Variants in MASP1 observed in about 807,000 individuals in gnomAD.
MASP1 encodes mannan-binding lectin serine protease 1.
In MASP1, 59 loss-of-function variants were observed where a neutral mutation model predicts 77.1. The ratio of observed to expected loss-of-function variants is 0.77; its 90% CI spans 0.62 to 0.95. The LOEUF is 0.95. Among genes scored for constraint, MASP1 ranks in the 40% least tolerant of loss-of-function variants. The pLI, the probability that MASP1 is intolerant of heterozygous loss-of-function variation, is 0.00. For synonymous variants in MASP1, 362 were observed against 354.5 expected (o/e 1.02, Z -0.24); for missense variants, 885 against 912.9 (o/e 0.97, Z 0.39).
At chr3:187,277,049 AGGGAAGGGGCATTGGACT>A (rs1310797694) in intron 2 of MASP1, among the ~76,000 whole-genome samples, 1 of 152,142 alleles carries the variant, frequency 6.6e-6, no homozygotes, top group Non-Finnish European at 1.5e-5. Context: ...ATGTGGCCTG[AGGGAAGGGGCATTGGACT>A]GGGAGTCACA....
At chr3:187,224,484 C>T (rs1167245233) in intron 13 of MASP1, among the ~76,000 whole-genome samples, 2 of 150,486 alleles carry the variant, frequency 1.3e-5, no homozygotes, top group African/African-American at 4.9e-5. Flanking sequence ...GTAGCTGGGA[C>T]TACAGGCGCC....
intron 2 of MASP1, among the ~76,000 whole-genome samples, chr3:187,282,510 A>AAAGAAG (rs1553785752): frequency 7.6e-6 from 1 of 131,478 alleles, no homozygotes; most frequent in Non-Finnish European, 1.6e-5. Context: ...AAAAAAAAAA[A>AAAGAAG]AAGAAGAAGA....
rs1487533750 is a variant in MASP1 at position 187,283,088 on chromosome 3, C to T, written c.237+2737G>A. 3.3e-5 allele frequency among the ~76,000 whole-genome samples: 5 copies of T among 152,256 alleles called. No homozygotes were observed. In the East Asian group the frequency reaches 9.7e-4, roughly 29 times the overall value. Reference sequence around the variant, plus strand: ...GTGACAGATCTGAGACCAGAAAAGGCATTTCCTGAATTCCATGTAAGGGCC... The same window carrying T: ...GTGACAGATCTGAGACCAGAAAAGGTATTTCCTGAATTCCATGTAAGGGCC... On this transcript the variant is annotated intron_variant, in intron 2 of 10. Transcript: ENST00000296280.
chr3:187,283,563 C>A (rs908516570), intron 2 of MASP1, among the ~76,000 whole-genome samples: 1 of 152,050 alleles, frequency 6.6e-6, no homozygotes, highest in South Asian at 2.1e-4. Flanking sequence ...GGAGAGGGGG[C>A]AAATTATGAG....
chr3:187,286,709 G>A (rs543757447), intron 1 of MASP1, among the ~76,000 whole-genome samples: 2 of 152,178 alleles, frequency 1.3e-5, no homozygotes, highest in African/African-American at 4.8e-5. Context: ...CATGGCTGAC[G>A]CAATAACGAG....
At chr3:187,290,496 A>T (rs1436683924) in intron 1 of MASP1, among the ~76,000 whole-genome samples, 1 of 152,092 alleles carries the variant, frequency 6.6e-6, no homozygotes, top group Non-Finnish European at 1.5e-5. Flanking sequence ...TTTTTTGGAG[A>T]AAGAAAAATG....
chr3:187,225,259 A>C, intron 13 of MASP1: 1 of 1,557,730 alleles, frequency 6.4e-7, no homozygotes, highest in Non-Finnish European at 8.8e-7. Flanking sequence ...AGCTTCACCA[A>C]CGTGAAGACG....
intron 5 of MASP1, among the ~76,000 whole-genome samples, chr3:187,256,184 A>G (rs1045656906): frequency 3.3e-5 from 5 of 152,210 alleles, no homozygotes; most frequent in African/African-American, 1.2e-4. Flanking sequence ...TGGGCCCAGC[A>G]GCATAATTTG....
At chr3:187,291,418 G>T in intron 1 of MASP1, 1 of 641,386 alleles carries the variant, frequency 1.6e-6, no homozygotes, top group Non-Finnish European at 2.8e-6. Flanking sequence ...GAAGTCTCCC[G>T]TTTCAAGTTT....
chr3:187,246,355 C>T (rs546304018), intron 8 of MASP1: 61 of 984,256 alleles, frequency 6.2e-5, no homozygotes, highest in African/African-American at 4.4e-4. Context: ...GCTGTTAATA[C>T]GTTGTAGGTT....
intron 1 of MASP1, 69 bp from the exon 2 acceptor site, chr3:187,286,125 G>A (rs1717840461): frequency 1.6e-6 from 2 of 1,253,732 alleles, no homozygotes; most frequent in Non-Finnish European, 2.3e-6. Flanking sequence ...CTCAATCACA[G>A]CCAGGAGAAC....
intron 4 of MASP1, among the ~76,000 whole-genome samples, chr3:187,259,497 A>G (rs1350034601): frequency 6.6e-6 from 1 of 152,166 alleles, no homozygotes; most frequent in East Asian, 1.9e-4. Context: ...TTAAAATTTC[A>G]TGGTGGGGGC....
chr3:187,271,380 T>C (rs1041356952), intron 2 of MASP1, among the ~76,000 whole-genome samples: 9 of 152,234 alleles, frequency 5.9e-5, no homozygotes, highest in Admixed American at 4.6e-4. Flanking sequence ...AGTCATATGA[T>C]ATTAGAATAT....
exon 14 of MASP1, chr3:187,223,190 G>A: frequency 6.2e-7 from 1 of 1,614,020 alleles, no homozygotes; most frequent in Non-Finnish European, 8.5e-7. Context: ...CGATGACCAT[G>A]GCTCCTGGAG....
intron 7 of MASP1, among the ~76,000 whole-genome samples, chr3:187,250,945 G>A (rs903371836): frequency 2.6e-5 from 4 of 151,988 alleles, no homozygotes; most frequent in African/African-American, 9.7e-5. Flanking sequence ...GGAGAGTGAG[G>A]GGAACCCATC....
intron 3 of MASP1, 94 bp from the exon 4 acceptor site, chr3:187,260,966 T>G: frequency 7.2e-7 from 1 of 1,385,400 alleles, no homozygotes; most frequent in South Asian, 1.2e-5. Context: ...CCACTCACTA[T>G]GTTAGGAGAT....
intron 5 of MASP1, among the ~76,000 whole-genome samples, chr3:187,256,432 C>T (rs770259423): frequency 1.3e-5 from 2 of 152,202 alleles, no homozygotes; most frequent in East Asian, 1.9e-4. Flanking sequence ...TGCAGATTCA[C>T]GACTCTCCTC....
chr3:187,279,510 C>T (rs181127611), intron 2 of MASP1, among the ~76,000 whole-genome samples: 1 of 152,304 alleles, frequency 6.6e-6, no homozygotes, highest in East Asian at 1.9e-4. Flanking sequence ...GGCTGGCCAA[C>T]AAAATCCATC....
At chr3:187,241,290 A>C (rs947028207) in intron 10 of MASP1, among the ~76,000 whole-genome samples, 191 bp downstream of exon 10, 1 of 152,188 alleles carries the variant, frequency 6.6e-6, no homozygotes, top group African/African-American at 2.4e-5. Context: ...GAGCAGGCAG[A>C]AAATACAGGC....
Sources: allele counts gnomAD v4.1 joint callset (sites outside exome capture counted in the v4.1 genomes callset), GRCh38; gene constraint gnomAD v4.1.1; transcripts MANE v1.5; gene names NCBI Gene and HGNC (gene_info 2026-07-23, HGNC 2026-07-21).